Variants in APOL1 observed in about 807,000 individuals in gnomAD.
APOL1 encodes apolipoprotein L1.
Under a neutral mutation model 14.9 loss-of-function variants are expected in APOL1, and 17 were observed. The observed-to-expected ratio is 1.14, with a 90% CI of 0.78 to 1.71. The LOEUF (loss-of-function observed/expected upper bound fraction) is 1.71, where lower values mean the gene tolerates loss of function less well. Among genes scored for constraint, APOL1 ranks in the 40% most tolerant of loss-of-function variants. APOL1 has a pLI of 0.00. For missense variants in APOL1, 523 were observed against 485.9 expected (o/e 1.08, Z -0.72); for synonymous variants, 195 against 184.8 (o/e 1.05, Z -0.45).
At chr22:36,256,425 AT>A (rs2015880645) in intron 2 of APOL1, among the ~76,000 whole-genome samples, 1 of 152,208 alleles carries the variant, frequency 6.6e-6, no homozygotes, top group Non-Finnish European at 1.5e-5. Context: ...TTGTAGCATA[AT>A]TTATATGAGG....
intron 4 of APOL1, among the ~76,000 whole-genome samples, chr22:36,259,322 A>T (rs1374139871): frequency 6.6e-6 from 1 of 152,202 alleles, no homozygotes; most frequent in African/African-American, 2.4e-5. Flanking sequence ...GGTTCCTTCC[A>T]TCCAAACCTG....
intron 5 of APOL1, among the ~76,000 whole-genome samples, chr22:36,264,351 C>A (rs547635666): frequency 3.8e-4 from 57 of 151,858 alleles, no homozygotes; most frequent in South Asian, 3.1e-3. Flanking sequence ...CAGGCAAAGA[C>A]AGATGTTCCT....
Position 36,261,645 on chromosome 22 carries a change from G to A in APOL1, c.237G>A (p.Val79=). Residue 79 remains valine (V), a synonymous_variant, in exon 5 of 6, where the codon GTG becomes GTA. Transcript: ENST00000397278. ...CCATTAAGTATTTCAAGGAAAAAGT[G>A]AGCACACAGAATCTGCTACTCCTGC... is the stretch of plus-strand genomic sequence containing the variant. ...EDAIKYFKEK[V]STQNLLLLLT... is the part of the protein sequence containing the mutation. 1 of 1,614,010 alleles carries A rather than the reference G, an allele frequency of 6.2e-7. No homozygotes were observed. Among genetic ancestry groups the A allele is most frequent in the Non-Finnish European group, 8.5e-7 (1 of 1,179,918 alleles).
At position 36,266,993 on chromosome 22, in the gene APOL1, C is replaced by T. The variant is rs1375444031; in HGVS notation, c.*960C>T. The T allele has an allele frequency of 6.5e-6, 1 of 153,192 alleles. No homozygotes were observed. The highest frequency in any genetic ancestry group is 1.5e-5 in the Non-Finnish European group (1 of 68,918). The allele number at this position is 153,192 out of a possible 1,614,324, so 9.5% of individuals were successfully genotyped here. ...ATGAGAAGGCCAGGAAAAGAAAGAG[C>T]TGAAAATGGAGAAAGCCCAAGAGTT... On this transcript the variant is annotated 3_prime_UTR_variant, in exon 6 of 6. Transcript: ENST00000397278.
chr22:36,266,862 G>A lies in APOL1; in HGVS notation c.*829G>A, dbSNP rs375259680. 5.8e-5 allele frequency: 14 copies of A among 239,816 alleles called. No individual in the cohort carries two copies. Among genetic ancestry groups the A allele is most frequent in the African/African-American group, 9.3e-5 (4 of 43,038 alleles). 14.9% of individuals were successfully genotyped at this position (239,816 alleles called of 1,614,324 possible). On this transcript the variant is annotated 3_prime_UTR_variant, in exon 6 of 6. Coordinates refer to ENST00000397278, the MANE Select transcript of APOL1 (RefSeq NM_003661.4). ...GGAGCTTGCAGTGAGCCGAGATATC[G>A]CCACTGCACTCCAGCCTGGGTGACA...
chr22:36,256,982 A>G, intron 2 of APOL1, 101 bp from the exon 3 acceptor site: 1 of 1,323,128 alleles, frequency 7.6e-7, no homozygotes, highest in Non-Finnish European at 1.1e-6. Context: ...CATTGTCAGA[A>G]CCTTCCTCCC....
rs2016306472 is a variant in APOL1, at chr22:36,267,317, A to AG, written c.*1286dup. On this transcript the variant is annotated 3_prime_UTR_variant, in exon 6 of 6. Transcript: ENST00000397278. ...TGGCCATGGTCCCCAGCTGAGGAGCAGGTGTCCCTGAGAACCCAAACTTCC... is the reference window on the plus strand; with the variant it reads ...TGGCCATGGTCCCCAGCTGAGGAGCAGGGTGTCCCTGAGAACCCAAACTTCC... 1 of 152,312 alleles carries AG rather than the reference A, an allele frequency of 6.6e-6. No individual in the cohort carries two copies. Among genetic ancestry groups the AG allele is most frequent in the Non-Finnish European group, 1.5e-5 (1 of 68,124 alleles). 9.4% of individuals were successfully genotyped at this position (152,312 alleles called of 1,614,324 possible).
rs9610472 is a variant in APOL1, at chr22:36,266,325, T to A, written c.*292T>A. 2 of 408,408 alleles carry A rather than the reference T, an allele frequency of 4.9e-6. No individual in the cohort carries two copies. The highest frequency in any genetic ancestry group is 8.7e-6 in the Non-Finnish European group (2 of 231,134). The allele number at this position is 408,408 out of a possible 1,614,324, so 25.3% of individuals were successfully genotyped here. On this transcript the variant is annotated 3_prime_UTR_variant, in exon 6 of 6. Transcript: ENST00000397278. Reference sequence around the variant, plus strand: ...AGGATGGTCTCGATCTCCTGACCTCTTGATCTGCCCACCTTGGCCTCCCAA... The same window carrying A: ...AGGATGGTCTCGATCTCCTGACCTCATGATCTGCCCACCTTGGCCTCCCAA...
chr22:36,257,710 A>G (rs879759360), intron 4 of APOL1: 509 of 229,998 alleles, frequency 2.2e-3, no homozygotes, highest in Admixed American at 3.1e-3. Context: ...GGGGGGGGGG[A>G]GTGTGGGGAG....
In APOL1 at chr22:36,265,619, C is replaced by T. The variant is rs755406811; in HGVS notation, c.783C>T (p.Asn261=). 31 of 1,596,720 alleles carry T rather than the reference C, an allele frequency of 1.9e-5. 1 individual carries two copies. In the Admixed American group the frequency reaches 4.1e-4, roughly 21 times the overall value. The change falls in exon 6 of 6, where the codon AAC becomes AAT. Residue 261 remains asparagine, a synonymous_variant. Transcript: ENST00000397278. ...LKEVREFLGE[N]ISNFLSLAGN... is the part of the protein sequence containing the mutation. ...AGGTGAGGGAGTTTTTGGGTGAGAA[C>T]ATATCCAACTTTCTTTCCTTAGCTG...
chr22:36,263,617 C>G (rs372435073), intron 5 of APOL1, among the ~76,000 whole-genome samples: 10 of 152,366 alleles, frequency 6.6e-5, no homozygotes, highest in Middle Eastern at 3.4e-3. Flanking sequence ...GTCCTCAGGA[C>G]GCTGTGTTCT....
intron 5 of APOL1, among the ~76,000 whole-genome samples, chr22:36,264,876 G>A (rs1412632121): frequency 1.4e-5 from 2 of 144,598 alleles, no homozygotes; most frequent in Non-Finnish European, 3.0e-5. Context: ...GCAGTGGCGC[G>A]ATCTCGGCTC....
chr22:36,257,153 A>G lies in APOL1; in HGVS notation c.98+17A>G. 6.2e-7 allele frequency: 1 copy of G among 1,614,132 alleles called. No homozygotes were observed. Among genetic ancestry groups the G allele is most frequent in the Non-Finnish European group, 8.5e-7 (1 of 1,180,000 alleles). ...TGGAGCGAGGTGAGTGTCTGCAAAT[A>G]GCAGATGATGGGGGCTCAGTGATAG... is the stretch of plus-strand genomic sequence containing the variant. On this transcript the variant is annotated intron_variant, in intron 3 of 5. Transcript: ENST00000397278.
intron 1 of APOL1, chr22:36,254,019 T>C (rs1030262945): frequency 1.3e-5 from 21 of 1,612,808 alleles, no homozygotes; most frequent in Non-Finnish European, 1.7e-5. Flanking sequence ...AGTGAGAGCT[T>C]AGATCTCTGT....
At position 36,265,148 on chromosome 22, in the gene APOL1, C is replaced by T; in HGVS notation, c.315-3C>T. ...CTTAATCCTTTAACCTTTCCTTGTG[C>T]AGGAATGAGGCAGATGAGCTCCGTA... On this transcript the variant is annotated splice_region_variant and splice_polypyrimidine_tract_variant and intron_variant, in intron 5 of 5. Transcript: ENST00000397278. 6.2e-7 allele frequency: 1 copy of T among 1,613,672 alleles called. No individual in the cohort carries two copies. The highest frequency in any genetic ancestry group is 1.3e-5 in the African/African-American group (1 of 74,970).
At position 36,265,304 on chromosome 22, in the gene APOL1, A is replaced by T. The variant is rs574173074; in HGVS notation, c.468A>T (p.Arg156Ser). 1 of 1,613,686 alleles carries T rather than the reference A, an allele frequency of 6.2e-7. No individual in the cohort carries two copies. Among genetic ancestry groups the T allele is most frequent in the South Asian group, 1.1e-5 (1 of 91,034 alleles). The change falls in exon 6 of 6, where the codon AGA becomes AGT. Residue 156 changes from arginine (R) to serine (S), a missense_variant. Arg to Ser is a moderately radical substitution (Grantham distance 110, BLOSUM62 -1). Coordinates refer to ENST00000397278, the MANE Select transcript of APOL1 (RefSeq NM_003661.4). ...RLKSELEDNI[R>S]RLRALADGVQ... ...AAAGTGAGCTTGAGGATAACATAAG[A>T]AGGCTCCGTGCCCTTGCAGATGGGG...
At chr22:36,261,222 G>A (rs541512689) in intron 4 of APOL1, among the ~76,000 whole-genome samples, 1 of 152,344 alleles carries the variant, frequency 6.6e-6, no homozygotes, top group East Asian at 1.9e-4. Flanking sequence ...AAGGGTTGGA[G>A]TCTGGGGAGG....
intron 4 of APOL1, among the ~76,000 whole-genome samples, chr22:36,257,773 C>T (rs1016656483): frequency 6.6e-6 from 1 of 152,026 alleles, no homozygotes; most frequent in Admixed American, 6.5e-5. Context: ...CCAGCAGCCC[C>T]GACCTGTCAC....
intron 1 of APOL1, among the ~76,000 whole-genome samples, chr22:36,254,577 C>T (rs148690853): frequency 1.4e-4 from 21 of 151,896 alleles, no homozygotes; most frequent in South Asian, 6.2e-4. Context: ...AAAAACTAAA[C>T]GAAAGGCCGG....
Sources: allele counts gnomAD v4.1 joint callset (sites outside exome capture counted in the v4.1 genomes callset), GRCh38; gene constraint gnomAD v4.1.1; transcripts MANE v1.5; gene names NCBI Gene and HGNC (gene_info 2026-07-23, HGNC 2026-07-21).